The following FOXN3 variants were observed in gnomAD, a reference collection of about 807,000 sequenced individuals.
The protein encoded by FOXN3 is forkhead box protein N3.
FOXN3 carries 7 observed loss-of-function variants against 38.4 expected under a neutral mutation model. The observed-to-expected ratio is 0.18, with a 90% CI of 0.10 to 0.34. The LOEUF (loss-of-function observed/expected upper bound fraction) is 0.34. Among genes scored for constraint, FOXN3 ranks in the 10% least tolerant of loss-of-function variants. The probability of loss-of-function intolerance (pLI) is 1.00; values close to 1 mark genes in which losing one functional copy is unlikely to be tolerated. For synonymous variants in FOXN3, 230 were observed against 242.2 expected (o/e 0.95, Z 0.47); for missense variants, 456 against 613.4 (o/e 0.74, Z 2.71).
chr14:89,561,492 G>A (rs1332446017), intron 1 of FOXN3, among the ~76,000 whole-genome samples: 5 of 152,330 alleles, frequency 3.3e-5, no homozygotes, highest in South Asian at 4.1e-4. Context: ...GATTACAGGC[G>A]TGAGCCACCA....
intron 5 of FOXN3, among the ~76,000 whole-genome samples, chr14:89,175,283 T>C (rs1887492584): frequency 6.6e-6 from 1 of 152,208 alleles, no homozygotes; most frequent in Admixed American, 6.5e-5. Flanking sequence ...GATGAAACTC[T>C]CATATAATTT....
chr14:89,297,559 C>CA (rs919496715), intron 3 of FOXN3, among the ~76,000 whole-genome samples: 1,182 of 103,452 alleles, frequency 0.011, 14 homozygotes, highest in African/African-American at 0.023. Context: ...GACTCCCTTT[C>CA]AAAAAAAAAA....
At chr14:89,261,138 G>A (rs1439184616) in intron 4 of FOXN3, among the ~76,000 whole-genome samples, 1 of 152,236 alleles carries the variant, frequency 6.6e-6, no homozygotes, top group Non-Finnish European at 1.5e-5. Flanking sequence ...CCAAGTCCAG[G>A]CAGGCCTGGC....
intron 3 of FOXN3, among the ~76,000 whole-genome samples, chr14:89,327,154 T>G (rs1003298990): frequency 6.6e-6 from 1 of 152,172 alleles, no homozygotes. Flanking sequence ...GGAAACTTAT[T>G]ATGACATGCA....
intron 1 of FOXN3, among the ~76,000 whole-genome samples, chr14:89,457,280 C>A (rs1371566208): frequency 6.6e-6 from 1 of 152,178 alleles, no homozygotes; most frequent in African/African-American, 2.4e-5. Context: ...GACGCGAAGA[C>A]CAGCCAAGGA....
intron 2 of FOXN3, among the ~76,000 whole-genome samples, chr14:89,366,311 T>C (rs1890149918): frequency 1.3e-5 from 2 of 152,328 alleles, no homozygotes; most frequent in South Asian, 2.1e-4. Flanking sequence ...TTGAAAAGTT[T>C]TGTCTCCTGA....
intron 4 of FOXN3, among the ~76,000 whole-genome samples, chr14:89,255,059 C>T (rs1263000960): frequency 6.6e-6 from 1 of 152,170 alleles, no homozygotes; most frequent in Non-Finnish European, 1.5e-5. Context: ...AGGCTAAGTT[C>T]CCAGAGGCCA....
intron 4 of FOXN3, among the ~76,000 whole-genome samples, chr14:89,259,662 T>C (rs1423568094): frequency 6.6e-6 from 1 of 152,196 alleles, no homozygotes; most frequent in East Asian, 1.9e-4. Context: ...GACAAATTAA[T>C]TAAATATAGT....
chr14:89,330,513 G>A lies in FOXN3; in HGVS notation c.680+20159C>T, dbSNP rs150536808. On this transcript the variant is annotated intron_variant, in intron 3 of 5. Transcript: ENST00000557258. ...TGTAACTTGTGGGTAGGAGCATGTC[G>A]CTTGAATTGCCATTTGCAGGGAGCC... is the stretch of plus-strand genomic sequence containing the variant. 8.2e-3 allele frequency among the ~76,000 whole-genome samples: 1,249 copies of A among 152,292 alleles called. 9 individuals carry two copies. The highest frequency in any genetic ancestry group is 0.042 in the South Asian group (203 of 4,828).
At chr14:89,468,196 G>A (rs1893019407) in intron 1 of FOXN3, among the ~76,000 whole-genome samples, 1 of 151,744 alleles carries the variant, frequency 6.6e-6, no homozygotes, top group South Asian at 2.1e-4. Context: ...ACTCACTTCT[G>A]TAATCTCAGC....
chr14:89,192,844 C>A (rs1213369768), intron 4 of FOXN3, among the ~76,000 whole-genome samples: 1 of 147,284 alleles, frequency 6.8e-6, no homozygotes, highest in Non-Finnish European at 1.5e-5. Context: ...ATATATAAAA[C>A]CATTCAGCTA....
chr14:89,228,432 A>T (rs1884707199), intron 4 of FOXN3, among the ~76,000 whole-genome samples: 1 of 152,238 alleles, frequency 6.6e-6, no homozygotes, highest in Non-Finnish European at 1.5e-5. Flanking sequence ...CACAGTCCGT[A>T]AGAATGGCTA....
chr14:89,166,486 A>C (rs989080829), intron 5 of FOXN3, among the ~76,000 whole-genome samples: 2 of 152,192 alleles, frequency 1.3e-5, no homozygotes, highest in African/African-American at 4.8e-5. Flanking sequence ...ACAGAAAAAC[A>C]GAAGCTCAGA....
chr14:89,328,686 C>G lies in FOXN3; in HGVS notation c.680+21986G>C, dbSNP rs138258154. Among the ~76,000 whole-genome samples, 1,412 of 152,336 alleles carry G rather than the reference C, an allele frequency of 9.3e-3. 18 individuals are homozygous for G. Among genetic ancestry groups the G allele is most frequent in the African/African-American group, 0.033 (1,365 of 41,568 alleles). On this transcript the variant is annotated intron_variant, in intron 3 of 5. Transcript: ENST00000557258. ...GGGCAAAGACACATTCCCACTAGCA[C>G]AGCCTCAAAGGGAAACGGAGGCTTG...
At chr14:89,438,260 C>T (rs1319878568) in intron 1 of FOXN3, among the ~76,000 whole-genome samples, 1 of 152,364 alleles carries the variant, frequency 6.6e-6, no homozygotes, top group East Asian at 1.9e-4. Flanking sequence ...TGGGATGGGT[C>T]CCAGCAATGT....
chr14:89,192,343 T>A (rs1345263314), intron 4 of FOXN3, among the ~76,000 whole-genome samples: 1 of 146,014 alleles, frequency 6.8e-6, no homozygotes, highest in Non-Finnish European at 1.5e-5. Context: ...TATAGTTATA[T>A]GTAATAGTAT....
At chr14:89,403,544 A>G (rs1461256149) in intron 2 of FOXN3, among the ~76,000 whole-genome samples, 8 of 152,220 alleles carry the variant, frequency 5.3e-5, no homozygotes, top group African/African-American at 1.9e-4. Flanking sequence ...CCAACTTCCT[A>G]TGTTATTTAC....
At chr14:89,400,632 T>C (rs1489812391) in intron 2 of FOXN3, among the ~76,000 whole-genome samples, 1 of 152,182 alleles carries the variant, frequency 6.6e-6, no homozygotes, top group Non-Finnish European at 1.5e-5. Flanking sequence ...ATCCCCTTCC[T>C]GTCCTTTAGA....
chr14:89,320,590 A>C (rs1302438151), intron 3 of FOXN3, among the ~76,000 whole-genome samples: 1 of 152,218 alleles, frequency 6.6e-6, no homozygotes. Context: ...AATCAGACTC[A>C]AGTATTATCA....
Sources: gnomAD v4.1 joint callset for allele counts (sites outside exome capture counted in the v4.1 genomes callset) on GRCh38, gnomAD v4.1.1 for gene constraint, MANE v1.5 for transcripts, NCBI Gene and HGNC (gene_info 2026-07-23, HGNC 2026-07-21) for gene names.